The following TMCC3 variants were observed in gnomAD, a reference collection of about 807,000 sequenced individuals.
The protein encoded by TMCC3 is transmembrane and coiled-coil domain family 3.
In TMCC3, 28 loss-of-function variants were observed where a neutral mutation model predicts 40.2. That is an observed-to-expected ratio of 0.70 (90% confidence interval 0.52 to 0.95). The LOEUF (loss-of-function observed/expected upper bound fraction) is 0.95, where lower values mean the gene tolerates loss of function less well. Ranked by LOEUF, TMCC3 falls within the 40% of genes least tolerant of loss-of-function variation. TMCC3 has a pLI of 0.00. For synonymous variants in TMCC3, 255 were observed against 248.5 expected (o/e 1.03, Z -0.25); for missense variants, 554 against 615.2 (o/e 0.90, Z 1.05).
chr12:94,628,872 G>T (rs916583235), intron 1 of TMCC3, among the ~76,000 whole-genome samples: 4 of 152,192 alleles, frequency 2.6e-5, no homozygotes, highest in African/African-American at 9.6e-5. Context: ...CTGCAAGATT[G>T]CTTCCAAACA....
At chr12:94,609,072 T>C (rs2068800151) in intron 1 of TMCC3, among the ~76,000 whole-genome samples, 1 of 151,520 alleles carries the variant, frequency 6.6e-6, no homozygotes, top group Non-Finnish European at 1.5e-5. Context: ...TACAAAAAAT[T>C]TAAAAATTAG....
intron 1 of TMCC3, chr12:94,616,478 ACT>A (rs1448764215): frequency 2.0e-5 from 3 of 152,314 alleles, no homozygotes; most frequent in Non-Finnish European, 2.9e-5. Context: ...CAGTCAGGAG[ACT>A]CTCTGTTGAT....
chr12:94,614,833 T>A (rs1235476544), intron 1 of TMCC3, among the ~76,000 whole-genome samples: 2 of 150,958 alleles, frequency 1.3e-5, no homozygotes, highest in Admixed American at 1.3e-4. Context: ...TGGCGCGATC[T>A]CAGCTCACTG....
At chr12:94,636,749 G>C (rs1405690330) in intron 1 of TMCC3, among the ~76,000 whole-genome samples, 1 of 152,252 alleles carries the variant, frequency 6.6e-6, no homozygotes, top group African/African-American at 2.4e-5. Flanking sequence ...TCGTGCTATG[G>C]AACATGCCCT....
At chr12:94,581,024 T>C (rs1416964737) in intron 2 of TMCC3, among the ~76,000 whole-genome samples, 1 of 152,162 alleles carries the variant, frequency 6.6e-6, no homozygotes, top group East Asian at 1.9e-4. Flanking sequence ...CTTAGAATCA[T>C]GAAGGATGGA....
chr12:94,620,584 G>A (rs1014090990), intron 1 of TMCC3, among the ~76,000 whole-genome samples: 1 of 151,948 alleles, frequency 6.6e-6, no homozygotes, highest in Admixed American at 6.6e-5. Context: ...TACTGTGCAG[G>A]GCCTGTGGAA....
intron 3 of TMCC3, among the ~76,000 whole-genome samples, chr12:94,577,434 C>T (rs1054249582): frequency 2.0e-5 from 3 of 152,122 alleles, no homozygotes; most frequent in South Asian, 2.1e-4. Context: ...GTGACCCAAC[C>T]GCCTTGGCCT....
intron 1 of TMCC3, among the ~76,000 whole-genome samples, chr12:94,627,082 G>A (rs562804679): frequency 6.6e-6 from 1 of 152,066 alleles, no homozygotes; most frequent in African/African-American, 2.4e-5. Flanking sequence ...GGCTGGTCTC[G>A]AACTCCTGAC....
chr12:94,626,459 A>C (rs141024408), intron 1 of TMCC3, among the ~76,000 whole-genome samples: 5 of 152,346 alleles, frequency 3.3e-5, no homozygotes, highest in Non-Finnish European at 7.3e-5. Flanking sequence ...TAATGTAGCC[A>C]AGGCCTTACA....
chr12:94,650,425 C>T lies in TMCC3; in HGVS notation c.6G>A (p.Pro2=). M[P]GSDTALTVDR... is the part of the protein sequence containing the mutation. ...CCACGGTGAGCGCCGTGTCGCTGCC[C>T]GGCATCTCCGCGCTCCGGCCGCGAA... The change falls in exon 1 of 4, where the codon CCG becomes CCA. Residue 2 remains proline, a synonymous_variant. Coordinates refer to ENST00000261226, the MANE Select transcript of TMCC3 (RefSeq NM_020698.4). 1 of 1,297,402 alleles carries T rather than the reference C, an allele frequency of 7.7e-7. No homozygotes were observed. The highest frequency in any genetic ancestry group is 9.8e-7 in the Non-Finnish European group (1 of 1,017,616). The allele number at this position is 1,297,402 out of a possible 1,614,324, so 80.4% of individuals were successfully genotyped here. A position where few individuals can be genotyped will look rare whatever the true frequency, so the allele number is the denominator to read the frequency against.
At chr12:94,590,940 A>C (rs75421294) in intron 1 of TMCC3, 31,460 of 586,356 alleles carry the variant, frequency 0.054, 1,050 homozygotes, top group East Asian at 0.098. Context: ...GAGAGCTTCA[A>C]GGCAGATCAC....
rs182551055 is a variant in TMCC3 at position 94,579,088 on chromosome 12, A to G, written c.996-559T>C. On this transcript the variant is annotated intron_variant, in intron 2 of 3. Transcript: ENST00000261226. The stretch of plus-strand genomic sequence containing the variant: ...GAACTTAACTGACAATACAAAATTA[A>G]GCTTATTACAAATTATAGATGGTTC... Among the ~76,000 whole-genome samples, 55 of 152,362 alleles carry G rather than the reference A, an allele frequency of 3.6e-4. No homozygotes were observed. The South Asian group carries it at 5.0e-3, about 14-fold the overall frequency.
At chr12:94,590,855 A>G (rs1021676754) in intron 1 of TMCC3, 6 of 552,888 alleles carry the variant, frequency 1.1e-5, no homozygotes, top group South Asian at 6.0e-5. Context: ...CAAACTACCA[A>G]CACTGGAGAG....
chr12:94,576,350 C>T (rs992927874), intron 3 of TMCC3, among the ~76,000 whole-genome samples: 5 of 152,202 alleles, frequency 3.3e-5, no homozygotes, highest in Non-Finnish European at 7.3e-5. Context: ...GGATAAAGCA[C>T]TATCTTTATG....
At chr12:94,575,304 T>G (rs1333387863) in intron 3 of TMCC3, among the ~76,000 whole-genome samples, 2 of 152,206 alleles carry the variant, frequency 1.3e-5, no homozygotes, top group Non-Finnish European at 2.9e-5. Context: ...ATAAAAAGAA[T>G]GGACAGTATT....
intron 1 of TMCC3, among the ~76,000 whole-genome samples, chr12:94,645,720 T>G (rs2069014626): frequency 6.6e-6 from 1 of 152,192 alleles, no homozygotes; most frequent in Non-Finnish European, 1.5e-5. Flanking sequence ...ATTACAGGCA[T>G]GAGCCACCAT....
chr12:94,650,222 C>T (rs1374047696), intron 1 of TMCC3, 131 bp downstream of exon 1: 4 of 441,328 alleles, frequency 9.1e-6, no homozygotes, highest in Non-Finnish European at 1.4e-5. Flanking sequence ...CGGGGAGGCA[C>T]GGACCTCCGG....
At chr12:94,581,234 T>C (rs2138824665) in intron 2 of TMCC3, among the ~76,000 whole-genome samples, 1 of 152,342 alleles carries the variant, frequency 6.6e-6, no homozygotes, top group South Asian at 2.1e-4. Flanking sequence ...TTTTAAATAA[T>C]TTTGTGCCTC....
At chr12:94,600,203 TCC>T (rs1449801268) in intron 1 of TMCC3, among the ~76,000 whole-genome samples, 1 of 151,524 alleles carries the variant, frequency 6.6e-6, no homozygotes, top group African/African-American at 2.4e-5. Flanking sequence ...ATGTTCTCTC[TCC>T]TTCATCTCTT....
Sources: allele counts gnomAD v4.1 joint callset (sites outside exome capture counted in the v4.1 genomes callset), GRCh38; gene constraint gnomAD v4.1.1; transcripts MANE v1.5; gene names NCBI Gene and HGNC (gene_info 2026-07-23, HGNC 2026-07-21).